Variants in TONSL observed in about 807,000 individuals in gnomAD.
TONSL encodes the protein tonsoku-like protein.
In TONSL, 112 loss-of-function variants were observed where a neutral mutation model predicts 147.1. The observed-to-expected ratio is 0.76, with a 90% CI of 0.65 to 0.89. The LOEUF is 0.89. TONSL is among the 40% of genes least tolerant of loss of function. TONSL has a pLI of 0.00. For missense variants in TONSL, 1,883 were observed against 1,864.6 expected, an observed-to-expected ratio of 1.01 and a Z score of -0.18; for synonymous variants, 868 against 801.5, an observed-to-expected ratio of 1.08 and a Z score of -1.40.
chr8:144,438,320 C>T (rs921921522), intron 13 of TONSL, 151 bp downstream of exon 13: 119 of 726,260 alleles, frequency 1.6e-4, no homozygotes, highest in Non-Finnish European at 5.5e-5. Flanking sequence ...ATCCTCCTGC[C>T]TCTAGGACCA....
intron 17 of TONSL, 40 bp downstream of exon 17, chr8:144,435,617 CG>C: frequency 6.3e-7 from 1 of 1,577,866 alleles, no homozygotes; most frequent in Non-Finnish European, 8.6e-7. Context: ...CCTGCCTGCC[CG>C]GAGTGGGGAG....
intron 22 of TONSL, 97 bp from the exon 23 acceptor site, chr8:144,432,557 C>T (rs1056035559): frequency 7.8e-7 from 1 of 1,280,148 alleles, no homozygotes; most frequent in Admixed American, 2.8e-5. Context: ...TTTGGGGAAA[C>T]CACTACCGCA....
chr8:144,435,425 G>T, intron 18 of TONSL, 49 bp downstream of exon 18: 2 of 1,444,044 alleles, frequency 1.4e-6, no homozygotes, highest in Non-Finnish European at 1.9e-6. Flanking sequence ...GAGCACCCTG[G>T]CATGGAGCTG....
intron 13 of TONSL, 21 bp from the exon 14 acceptor site, chr8:144,437,120 GA>G (rs759624776): frequency 6.5e-5 from 105 of 1,610,020 alleles, no homozygotes; most frequent in South Asian, 5.7e-4. Flanking sequence ...GGACAGGAAG[GA>G]GCCTGGCCCT....
At position 144,440,441 on chromosome 8, in the gene TONSL, G is replaced by T. The variant is rs147865138; in HGVS notation, c.1200C>A (p.Arg400=). Residue 400 remains arginine, a synonymous_variant, in exon 10 of 26, where the codon CGC becomes CGA. Transcript: ENST00000409379. ...AKTWLNIALS[R]EEAGDAYELL... is the part of the protein sequence containing the mutation. Reference sequence around the variant, plus strand: ...GCTCGTAGGCATCGCCGGCCTCCTCGCGGGACAGTGCAATGTTCAGCCAGG... The same window carrying T: ...GCTCGTAGGCATCGCCGGCCTCCTCTCGGGACAGTGCAATGTTCAGCCAGG... 31 of 1,607,712 alleles carry T rather than the reference G, an allele frequency of 1.9e-5. No homozygotes were observed. Among genetic ancestry groups the T allele is most frequent in the Non-Finnish European group, 2.5e-5 (30 of 1,176,650 alleles).
chr8:144,436,958 C>T (rs765867769), intron 14 of TONSL, 38 bp from the exon 15 acceptor site: 1 of 1,611,906 alleles, frequency 6.2e-7, no homozygotes, highest in Admixed American at 1.7e-5. Context: ...TCCCGATGCC[C>T]CGCCAGGACT....
chr8:144,432,101 C>T (rs922809324), intron 23 of TONSL, among the ~76,000 whole-genome samples, 184 bp downstream of exon 23: 1 of 152,146 alleles, frequency 6.6e-6, no homozygotes, highest in Non-Finnish European at 1.5e-5. Flanking sequence ...ACTGGGATTA[C>T]AGGCGTGAGC....
At chr8:144,436,990 A>G (rs1358808554) in intron 14 of TONSL, 37 bp downstream of exon 14, 1 of 1,612,948 alleles carries the variant, frequency 6.2e-7, no homozygotes, top group East Asian at 2.2e-5. Flanking sequence ...CCACGTGTCC[A>G]CCAAGGTGCG....
Position 144,435,869 on chromosome 8 carries a change from T to C in TONSL, c.2564A>G (p.Asp855Gly), listed in dbSNP as rs1823429159. 6.2e-7 allele frequency: 1 copy of C among 1,600,600 alleles called. No homozygotes were observed. The highest frequency in any genetic ancestry group is 8.5e-7 in the Non-Finnish European group (1 of 1,171,564). ...AGAGGTACTACTGGGCCTGCGGTTG[T>C]CTCCAGTGCCCCGGGGGCGGGGCCG... ...SRRPRPRGTGDNRRPSSTSGS... is the reference protein window; with the variant it reads ...SRRPRPRGTGGNRRPSSTSGS... Residue 855 changes from aspartate (D) to glycine (G), a missense_variant, in exon 17 of 26, where the codon GAC becomes GGC. Physicochemically the swap from Asp to Gly is moderately conservative, Grantham distance 94. Coordinates refer to ENST00000409379, the MANE Select transcript of TONSL (RefSeq NM_013432.5).
intron 7 of TONSL, 105 bp from the exon 8 acceptor site, chr8:144,441,216 A>C (rs1586695873): frequency 6.9e-7 from 1 of 1,457,630 alleles, no homozygotes; most frequent in Non-Finnish European, 9.2e-7. Context: ...CTCTCTCCAC[A>C]CCTCTGCCTG....
At chr8:144,443,501 A>G (rs1195847308) in intron 3 of TONSL, among the ~76,000 whole-genome samples, 180 bp from the exon 4 acceptor site, 1 of 152,242 alleles carries the variant, frequency 6.6e-6, no homozygotes, top group Non-Finnish European at 1.5e-5. Flanking sequence ...CTGTGGTGAC[A>G]GTGGCTTCAC....
In TONSL at chr8:144,434,095, C is replaced by T. The variant is rs1554879342; in HGVS notation, c.3270G>A (p.Leu1090=). The T allele has an allele frequency of 1.9e-6, 3 of 1,612,292 alleles. No individual in the cohort carries two copies. Among genetic ancestry groups the T allele is most frequent in the Admixed American group, 1.7e-5 (1 of 59,964 alleles). ...TGGGCATGGTGCCCAGGGCAGCCACCAGCTCAGCCACACACTTGTCCCCCA... is the reference window on the plus strand; with the variant it reads ...TGGGCATGGTGCCCAGGGCAGCCACTAGCTCAGCCACACACTTGTCCCCCA... ...NRLGDKCVAE[L]VAALGTMPSL... Residue 1090 remains leucine (L), a synonymous_variant, in exon 21 of 26, where the codon CTG becomes CTA. Coordinates refer to ENST00000409379, the MANE Select transcript of TONSL (RefSeq NM_013432.5).
chr8:144,441,013 A>G lies in TONSL; in HGVS notation c.964T>C (p.Ser322Pro). ...VICEQLGDLF[S>P]KAGDFPRAAE... ...GCCCTGGGAAAGTCTCCTGCCTTGG[A>G]GAAGAGGTCCCCTAGCTGCTCACAG... The change falls in exon 8 of 26, where the codon TCC (serine) becomes CCC (proline). Residue 322 changes from serine (S) to proline (P), a missense_variant. Transcript: ENST00000409379. The G allele has an allele frequency of 6.2e-7, 1 of 1,613,056 alleles. No homozygotes were observed. The highest frequency in any genetic ancestry group is 8.5e-7 in the Non-Finnish European group (1 of 1,179,966).
chr8:144,442,381 C>A lies in TONSL; in HGVS notation c.610G>T (p.Ala204Ser). Residue 204 changes from alanine (A) to serine (S), a missense_variant, in exon 6 of 26, where the codon GCC becomes TCC. Ala to Ser is a moderately conservative substitution (Grantham distance 99). Coordinates refer to ENST00000409379, the MANE Select transcript of TONSL (RefSeq NM_013432.5). ...QNHLYEDLFR[A>S]RYNLGTIHWR... Reference sequence around the variant, plus strand: ...TGGATGGTGCCCAGGTTGTAGCGGGCGCGGAATAGGTCCTCGTAAAGGTGG... The same window carrying A: ...TGGATGGTGCCCAGGTTGTAGCGGGAGCGGAATAGGTCCTCGTAAAGGTGG... 1.3e-6 allele frequency: 2 copies of A among 1,571,496 alleles called. No homozygotes were observed. The highest frequency in any genetic ancestry group is 8.7e-7 in the Non-Finnish European group (1 of 1,155,306).
rs1396530963 is a variant in TONSL, at chr8:144,436,082, G to A, written c.2351C>T (p.Thr784Ile). Residue 784 changes from threonine (T) to isoleucine (I), a missense_variant, in exon 17 of 26, where the codon ACA becomes ATA. Coordinates refer to ENST00000409379, the MANE Select transcript of TONSL (RefSeq NM_013432.5). ...PGPASNREAA[T>I]ASTSRAAYQA... Reference sequence around the variant, plus strand: ...GTAGGCTGCCCGGCTGGTGCTGGCTGTGGCTGCTTCCCTGTTGCTGGCGGG... The same window carrying A: ...GTAGGCTGCCCGGCTGGTGCTGGCTATGGCTGCTTCCCTGTTGCTGGCGGG... 11 of 1,570,048 alleles carry A rather than the reference G, an allele frequency of 7.0e-6. No individual in the cohort carries two copies. Among genetic ancestry groups the A allele is most frequent in the Non-Finnish European group, 9.4e-6 (11 of 1,165,284 alleles).
intron 9 of TONSL, 45 bp from the exon 10 acceptor site, chr8:144,440,521 G>A (rs375263992): frequency 6.3e-5 from 97 of 1,551,134 alleles, no homozygotes; most frequent in East Asian, 3.2e-4. Flanking sequence ...CGCTGTCTGC[G>A]TCCAACGGGC....
intron 13 of TONSL, chr8:144,437,660 G>C (rs966234892): frequency 6.4e-6 from 1 of 155,874 alleles, no homozygotes; most frequent in Non-Finnish European, 1.4e-5. Flanking sequence ...CTGGAGTGCA[G>C]CGGCGCAATC....
Position 144,432,479 on chromosome 8 carries a change from C to T in TONSL, c.3560-19G>A, listed in dbSNP as rs1823248592. 1.3e-6 allele frequency: 2 copies of T among 1,520,532 alleles called. No individual in the cohort carries two copies. The highest frequency in any genetic ancestry group is 1.8e-6 in the Non-Finnish European group (2 of 1,136,294). The allele number at this position is 1,520,532 out of a possible 1,614,324, so 94.2% of individuals were successfully genotyped here. On this transcript the variant is annotated intron_variant, in intron 22 of 25. Coordinates refer to ENST00000409379, the MANE Select transcript of TONSL (RefSeq NM_013432.5). ...TCAGCATCTGCACCGGGGCCAGAAT[C>T]CGTCAGCCCCACGTGGCCACAGCCC...
rs965343967 is a variant in TONSL, at chr8:144,435,467, G to A, written c.2852+7C>T. ...TGGGCTGCGGGGTAGGGCAGGCGAT[G>A]CCTCACCTGTGTGGGACAGGGATGA... On this transcript the variant is annotated splice_region_variant and intron_variant, in intron 18 of 25. Coordinates refer to ENST00000409379, the MANE Select transcript of TONSL (RefSeq NM_013432.5). 3 of 1,540,552 alleles carry A rather than the reference G, an allele frequency of 1.9e-6. No individual in the cohort carries two copies. The highest frequency in any genetic ancestry group is 2.7e-5 in the African/African-American group (2 of 72,818).
Sources: gnomAD v4.1 joint callset for allele counts (sites outside exome capture counted in the v4.1 genomes callset) on GRCh38, gnomAD v4.1.1 for gene constraint, MANE v1.5 for transcripts, NCBI Gene and HGNC (gene_info 2026-07-23, HGNC 2026-07-21) for gene names.